Variants in CD6 observed in about 807,000 individuals in gnomAD.
The protein encoded by CD6 is T-cell differentiation antigen CD6.
CD6 carries 53 observed loss-of-function variants against 75.3 expected under a neutral mutation model. The observed-to-expected ratio is 0.70, with a 90% CI of 0.56 to 0.88. The LOEUF (loss-of-function observed/expected upper bound fraction) is 0.88. CD6 is among the 40% of genes least tolerant of loss of function. The pLI is 0.00. For synonymous variants in CD6, 359 were observed against 381.5 expected (o/e 0.94, Z 0.69); for missense variants, 770 against 897.1 (o/e 0.86, Z 1.81).
chr11:60,992,761 GA>G (rs1858118631), intron 1 of CD6, among the ~76,000 whole-genome samples: 1 of 152,162 alleles, frequency 6.6e-6, no homozygotes, highest in Non-Finnish European at 1.5e-5. Context: ...TTGGGAGGCA[GA>G]GGTTGCAGTG....
In CD6 at chr11:61,008,715, G is replaced by T. The variant is rs1178692988; in HGVS notation, c.651G>T (p.Thr217=). 2.5e-6 allele frequency: 4 copies of T among 1,607,612 alleles called. No homozygotes were observed. The Admixed American group carries it at 6.7e-5, about 27-fold the overall frequency. The change falls in exon 4 of 13, where the codon ACG becomes ACT. Residue 217 remains threonine (T), a synonymous_variant. Coordinates refer to ENST00000313421, the MANE Select transcript of CD6 (RefSeq NM_006725.5). ...AGGCCCTGCCCGGCTTGCACTTCAC[G>T]CCCGGCCGCGGGCCTATCCACCGGG... ...AVQALPGLHF[T]PGRGPIHRDQ...
intron 1 of CD6, among the ~76,000 whole-genome samples, chr11:60,984,253 T>G (rs1396500516): frequency 6.6e-6 from 1 of 152,232 alleles, no homozygotes; most frequent in Admixed American, 6.5e-5. Flanking sequence ...ATAAGGATGG[T>G]TACCTGGTGG....
At chr11:61,016,200 C>G (rs1048040109) in intron 9 of CD6, among the ~76,000 whole-genome samples, 2 of 152,144 alleles carry the variant, frequency 1.3e-5, no homozygotes, top group Non-Finnish European at 2.9e-5. Flanking sequence ...CATGCCATAT[C>G]CCTCCGTGTC....
chr11:60,999,797 A>G (rs1156913736), intron 1 of CD6, among the ~76,000 whole-genome samples: 1 of 152,120 alleles, frequency 6.6e-6, no homozygotes. Context: ...CTGTAATCCC[A>G]GCACTTTGGG....
At chr11:60,978,220 G>T (rs959081393) in intron 1 of CD6, among the ~76,000 whole-genome samples, 3 of 152,226 alleles carry the variant, frequency 2.0e-5, no homozygotes, top group Non-Finnish European at 4.4e-5. Context: ...AAGGACAAAG[G>T]GGGTGGGCAT....
chr11:61,013,339 G>T, intron 6 of CD6, 84 bp from the exon 7 acceptor site: 1 of 1,473,018 alleles, frequency 6.8e-7, no homozygotes, highest in Non-Finnish European at 9.2e-7. Context: ...AGGGAAGCAG[G>T]TCAGCTTTAC....
chr11:61,015,443 T>C, intron 8 of CD6: 1 of 392,464 alleles, frequency 2.5e-6, no homozygotes, highest in South Asian at 4.1e-5. Context: ...TGATGGTGCA[T>C]GCCTGTGGTC....
Position 60,992,913 on chromosome 11 carries a change from T to C in CD6, c.50-13661T>C, listed in dbSNP as rs188668496. Among the ~76,000 whole-genome samples, 440 of 152,228 alleles carry C rather than the reference T, an allele frequency of 2.9e-3. 1 individual carries two copies. The highest frequency in any genetic ancestry group is 0.01 in the African/African-American group (428 of 41,540). Reference sequence around the variant, plus strand: ...CTGAATATTCTTCTCCTCCTCTCAGTGGTCTAAAGTCTGGCGGGGGATCAA... The same window carrying C: ...CTGAATATTCTTCTCCTCCTCTCAGCGGTCTAAAGTCTGGCGGGGGATCAA... On this transcript the variant is annotated intron_variant, in intron 1 of 12. Transcript: ENST00000313421.
intron 1 of CD6, among the ~76,000 whole-genome samples, chr11:60,980,708 G>A (rs1226481144): frequency 6.6e-6 from 1 of 151,862 alleles, no homozygotes. Context: ...CGGGGGATGG[G>A]GGGCACCTGT....
chr11:60,996,668 G>A (rs1052089943), intron 1 of CD6, among the ~76,000 whole-genome samples: 6 of 152,176 alleles, frequency 3.9e-5, no homozygotes, highest in East Asian at 1.9e-4. Context: ...CCCAAGGTTC[G>A]GGGACACTAG....
chr11:60,982,898 G>A (rs994135665), intron 1 of CD6: 8 of 379,100 alleles, frequency 2.1e-5, no homozygotes, highest in South Asian at 9.7e-5. Flanking sequence ...TGTGAACCAG[G>A]CACAGGCTTA....
chr11:60,999,863 A>G (rs116927770), intron 1 of CD6, among the ~76,000 whole-genome samples: 4,761 of 152,148 alleles, frequency 0.031, 279 homozygotes, highest in East Asian at 0.24. Context: ...CATGGCCAAC[A>G]TAGTGAAACC....
chr11:61,000,799 T>C (rs1858546496), intron 1 of CD6, among the ~76,000 whole-genome samples: 1 of 152,234 alleles, frequency 6.6e-6, no homozygotes, highest in Non-Finnish European at 1.5e-5. Flanking sequence ...CGTGCCTTCA[T>C]TCTTCCTGTG....
At chr11:61,015,586 A>C (rs1427796118) in intron 8 of CD6, 127 bp from the exon 9 acceptor site, 1 of 1,133,176 alleles carries the variant, frequency 8.8e-7, no homozygotes, top group African/African-American at 1.6e-5. Context: ...AGAAAGAAAA[A>C]AAAAGGGGGC....
At chr11:61,016,607 A>G (rs1859416566) in intron 9 of CD6, among the ~76,000 whole-genome samples, 1 of 152,204 alleles carries the variant, frequency 6.6e-6, no homozygotes, top group Non-Finnish European at 1.5e-5. Context: ...GCTCACCTCC[A>G]TGTCCACATT....
At chr11:60,995,399 C>G (rs970540886) in intron 1 of CD6, among the ~76,000 whole-genome samples, 2 of 152,302 alleles carry the variant, frequency 1.3e-5, no homozygotes, top group East Asian at 3.9e-4. Flanking sequence ...CCCACCTCAG[C>G]CTCTCAAAGT....
rs1370657318 is a variant in CD6, at chr11:61,000,072, A to AATAAAT, written c.50-6484_50-6479dup. Among the ~76,000 whole-genome samples the AATAAAT allele has an allele frequency of 3.9e-4, 59 of 151,926 alleles. No homozygotes were observed. The East Asian group carries it at 4.8e-3, about 12-fold the overall frequency. On this transcript the variant is annotated intron_variant, in intron 1 of 12. Transcript: ENST00000313421. ...GACTCTATGGCAAAATAAAAATAAA[A>AATAAAT]ATAAATATAAATATAAATATAAAAA... is the stretch of plus-strand genomic sequence containing the variant.
rs756897685 is a variant in CD6 at position 61,007,552 on chromosome 11, A to C, written c.119-8A>C. ...ACCGGTCTCAGCTCTCTGGTCTGAC[A>C]CTTCCAGGGGAGCGGCTTCCGGTCC... On this transcript the variant is annotated splice_polypyrimidine_tract_variant and splice_region_variant and intron_variant, in intron 2 of 12. Coordinates refer to ENST00000313421, the MANE Select transcript of CD6 (RefSeq NM_006725.5). This position sits in a 1 kb window ranked among gnomAD's most constrained non-coding sequence, Gnocchi z 4.2. The C allele has an allele frequency of 6.8e-7, 1 of 1,480,642 alleles. No homozygotes were observed. The highest frequency in any genetic ancestry group is 1.5e-5 in the African/African-American group (1 of 68,150). 91.7% of individuals were successfully genotyped at this position (1,480,642 alleles called of 1,614,324 possible). A position where few individuals can be genotyped will look rare whatever the true frequency, so the allele number is the denominator to read the frequency against.
intron 1 of CD6, among the ~76,000 whole-genome samples, chr11:61,005,352 G>A (rs1000558970): frequency 1.3e-5 from 2 of 152,284 alleles, no homozygotes; most frequent in Admixed American, 1.3e-4. Context: ...GCCTACCCGA[G>A]GGACCTCACA....
Sources: allele counts gnomAD v4.1 joint callset (sites outside exome capture counted in the v4.1 genomes callset), GRCh38; gene constraint gnomAD v4.1.1; non-coding constraint Gnocchi (gnomAD v3.1); transcripts MANE v1.5; gene names NCBI Gene and HGNC (gene_info 2026-07-23, HGNC 2026-07-21).